The following MLX variants were observed in gnomAD, a reference collection of about 807,000 sequenced individuals.
The protein encoded by MLX is max-like protein X.
A neutral mutation model predicts 33.0 loss-of-function variants in MLX; 15 were observed. The observed-to-expected ratio is 0.45, with a 90% CI of 0.30 to 0.70. MLX has a LOEUF of 0.70. Among genes scored for constraint, MLX ranks in the 30% least tolerant of loss-of-function variants. MLX has a pLI of 0.07. For missense variants in MLX, 285 were observed against 306.3 expected, an observed-to-expected ratio of 0.93 and a Z score of 0.52; for synonymous variants, 115 against 115.6, an observed-to-expected ratio of 0.99 and a Z score of 0.03.
Position 42,571,869 on chromosome 17 carries a change from G to T in MLX, c.*266G>T. 1 of 499,424 alleles carries T rather than the reference G, an allele frequency of 2.0e-6. No individual in the cohort carries two copies. Among genetic ancestry groups the T allele is most frequent in the Non-Finnish European group, 3.6e-6 (1 of 274,886 alleles). The allele number at this position is 499,424 out of a possible 1,614,324, so 30.9% of individuals were successfully genotyped here. A position where few individuals can be genotyped will look rare whatever the true frequency, so the allele number is the denominator to read the frequency against. On this transcript the variant is annotated 3_prime_UTR_variant, in exon 8 of 8. Transcript: ENST00000435881. The stretch of plus-strand genomic sequence containing the variant: ...CCCACTCCATGGAAGTCCTTGGGAT[G>T]GGCGTCTGCTCTGGACACCCCAAAG...
intron 7 of MLX, among the ~76,000 whole-genome samples, chr17:42,570,846 G>A (rs961196002): frequency 2.6e-5 from 4 of 151,900 alleles, no homozygotes; most frequent in Admixed American, 6.6e-5. Flanking sequence ...TTAGTAAGAC[G>A]GGGTTTCACC....
intron 4 of MLX, 72 bp downstream of exon 4, chr17:42,569,015 CCACT>C: frequency 1.3e-6 from 2 of 1,489,890 alleles, no homozygotes; most frequent in Non-Finnish European, 9.2e-7. Context: ...GTGCCCTGAC[CCACT>C]CAGACAGTCC....
rs147548692 is a variant in MLX, at chr17:42,569,495, C to G, written c.377-12C>G. ...TTCTGTACCTGTCCTTTTTTTCTTG[C>G]CCCCACCCTAGCCATTGACTACATT... On this transcript the variant is annotated splice_polypyrimidine_tract_variant and intron_variant, in intron 5 of 7. Coordinates refer to ENST00000435881, the MANE Select transcript of MLX (RefSeq NM_198204.2). 4 of 1,593,202 alleles carry G rather than the reference C, an allele frequency of 2.5e-6. No individual in the cohort carries two copies. Among genetic ancestry groups the G allele is most frequent in the Non-Finnish European group, 3.4e-6 (4 of 1,161,766 alleles).
intron 4 of MLX, 79 bp from the exon 5 acceptor site, chr17:42,569,125 G>T (rs1189587237): frequency 2.8e-6 from 4 of 1,405,180 alleles, no homozygotes; most frequent in Non-Finnish European, 3.0e-6. Flanking sequence ...CATAGAACTT[G>T]GTGTCATGGA....
At chr17:42,569,341 G>A in intron 5 of MLX, 38 bp downstream of exon 5, 1 of 1,600,982 alleles carries the variant, frequency 6.2e-7, no homozygotes, top group Non-Finnish European at 8.6e-7. Flanking sequence ...ATGGAGCCAA[G>A]CGGGGCTGTG....
At position 42,570,086 on chromosome 17, in the gene MLX, C is replaced by A; in HGVS notation, c.581C>A (p.Ser194Tyr). ...KFNVFQGIMD[S>Y]LFQSFNASIS... Reference sequence around the variant, plus strand: ...AACGTGTTTCAAGGCATCATGGATTCCCTGTTCCAGTCCTTCAATGCCTCC... The same window carrying A: ...AACGTGTTTCAAGGCATCATGGATTACCTGTTCCAGTCCTTCAATGCCTCC... The change falls in exon 7 of 8, where the codon TCC (serine) becomes TAC (tyrosine). Residue 194 changes from serine to tyrosine, a missense_variant. Physicochemically the swap from Ser to Tyr is moderately radical, Grantham distance 144. Coordinates refer to ENST00000435881, the MANE Select transcript of MLX (RefSeq NM_198204.2). 1 of 1,614,176 alleles carries A rather than the reference C, an allele frequency of 6.2e-7. No homozygotes were observed. The highest frequency in any genetic ancestry group is 8.5e-7 in the Non-Finnish European group (1 of 1,180,026).
intron 7 of MLX, among the ~76,000 whole-genome samples, 191 bp downstream of exon 7, chr17:42,570,374 C>T (rs972663571): frequency 3.9e-5 from 6 of 152,108 alleles, no homozygotes; most frequent in Non-Finnish European, 7.3e-5. Flanking sequence ...CGGTTTCATT[C>T]GGCAAGTGTG....
Position 42,568,562 on chromosome 17 carries a change from A to G in MLX, c.169+3A>G, listed in dbSNP as rs1222307147. 1.9e-6 allele frequency: 3 copies of G among 1,612,088 alleles called. No homozygotes were observed. In the Admixed American group the frequency reaches 5.0e-5, roughly 27 times the overall value. The stretch of plus-strand genomic sequence containing the variant: ...TGCCTCTTCTGTCCCCAACACAGGT[A>G]GGCAGTAACATCCCCCCCGACCTCG... On this transcript the variant is annotated splice_donor_region_variant and intron_variant, in intron 3 of 7. Transcript: ENST00000435881.
rs1254111230 is a variant in MLX at position 42,570,082 on chromosome 17, G to A, written c.577G>A (p.Asp193Asn). 1 of 1,614,090 alleles carries A rather than the reference G, an allele frequency of 6.2e-7. No individual in the cohort carries two copies. The highest frequency in any genetic ancestry group is 1.7e-5 in the Admixed American group (1 of 60,006). The change falls in exon 7 of 8, where the codon GAT becomes AAT. Residue 193 changes from aspartate to asparagine, a missense_variant. By Grantham distance (23) the Asp-to-Asn change is conservative (BLOSUM62 1). Transcript: ENST00000435881. ...GTTCAACGTGTTTCAAGGCATCATG[G>A]ATTCCCTGTTCCAGTCCTTCAATGC... ...VKFNVFQGIM[D>N]SLFQSFNASI...
In MLX at chr17:42,573,029, G is replaced by GAGAC; in HGVS notation, c.*1429_*1432dup. The GAGAC allele has an allele frequency of 1.2e-6, 2 of 1,614,212 alleles. No individual in the cohort carries two copies. Among genetic ancestry groups the GAGAC allele is most frequent in the Non-Finnish European group, 1.7e-6 (2 of 1,180,024 alleles). ...CGTCTCTATCCCAACTTCCTCCTGT[G>GAGAC]AGACAGGGAGACAAGTGAATGAGAT... is the stretch of plus-strand genomic sequence containing the variant. On this transcript the variant is annotated 3_prime_UTR_variant, in exon 8 of 8. Coordinates refer to ENST00000435881, the MANE Select transcript of MLX (RefSeq NM_198204.2).
Position 42,568,447 on chromosome 17 carries a change from TGATTGGGGCCTCTCTTTTCCAGG to T in MLX, c.80-21_81del. The T allele has an allele frequency of 3.2e-6, 5 of 1,586,390 alleles. No homozygotes were observed. Among genetic ancestry groups the T allele is most frequent in the Non-Finnish European group, 4.3e-6 (5 of 1,155,176 alleles). On this transcript the variant is annotated splice_acceptor_variant and splice_polypyrimidine_tract_variant and coding_sequence_variant and intron_variant, in exon 3 of 8. Coordinates refer to ENST00000435881, the MANE Select transcript of MLX (RefSeq NM_198204.2). LOFTEE classifies it high-confidence loss of function. ...CAATGTTCCCCACCCCACCCCTTAG[TGATTGGGGCCTCTCTTTTCCAGG>T]GCTTTTTGTAGAAAGCACCCGCAAG...
chr17:42,571,228 C>T (rs2093030820), intron 7 of MLX, among the ~76,000 whole-genome samples: 1 of 151,342 alleles, frequency 6.6e-6, no homozygotes, highest in Non-Finnish European at 1.5e-5. Context: ...ACTTCCACCT[C>T]CTGGGTTCAG....
rs774217633 is a variant in MLX at position 42,568,904 on chromosome 17, A to G, written c.237A>G (p.Ala79=). The change falls in exon 4 of 8, where the codon GCA becomes GCG. Residue 79 remains alanine, a synonymous_variant. Transcript: ENST00000435881. The part of the protein sequence containing the change: ...KESYKDRRRR[A]HTQAEQKRRD... ...CCTACAAAGACCGGCGGCGGCGCGC[A>G]CACACTCAGGCTGAGCAGAAGAGGA... The G allele has an allele frequency of 8.7e-6, 14 of 1,611,352 alleles. No homozygotes were observed. The highest frequency in any genetic ancestry group is 1.3e-5 in the African/African-American group (1 of 74,940).
At position 42,571,962 on chromosome 17, in the gene MLX, A is replaced by T. The variant is rs2093035130; in HGVS notation, c.*359A>T. 3.5e-6 allele frequency: 1 copy of T among 284,502 alleles called. No individual in the cohort carries two copies. The highest frequency in any genetic ancestry group is 6.8e-6 in the Non-Finnish European group (1 of 147,524). The allele number at this position is 284,502 out of a possible 1,614,324, so 17.6% of individuals were successfully genotyped here. A position where few individuals can be genotyped will look rare whatever the true frequency, so the allele number is the denominator to read the frequency against. On this transcript the variant is annotated 3_prime_UTR_variant, in exon 8 of 8. Coordinates refer to ENST00000435881, the MANE Select transcript of MLX (RefSeq NM_198204.2). Reference sequence around the variant, plus strand: ...GCTCATGATCTACATAGATTTGGAAACTGTTTTCCTCTGTTTTGGTCTCTT... The same window carrying T: ...GCTCATGATCTACATAGATTTGGAATCTGTTTTCCTCTGTTTTGGTCTCTT...
intron 1 of MLX, 184 bp downstream of exon 1, chr17:42,567,350 G>C: frequency 7.1e-7 from 1 of 1,406,380 alleles, no homozygotes; most frequent in African/African-American, 1.5e-5. Flanking sequence ...AACGAGGCGT[G>C]TGCGCGCGAG....
intron 7 of MLX, 82 bp from the exon 8 acceptor site, chr17:42,571,465 T>C: frequency 1.4e-6 from 2 of 1,452,610 alleles, no homozygotes; most frequent in Admixed American, 3.3e-5. Flanking sequence ...CTAAAGTACA[T>C]GGCTGATCTA....
At chr17:42,571,420 C>A in intron 7 of MLX, 127 bp from the exon 8 acceptor site, 3 of 1,005,096 alleles carry the variant, frequency 3.0e-6, no homozygotes, top group Non-Finnish European at 3.1e-6. Context: ...AGCCACCACA[C>A]CTGGCCCCCG....
chr17:42,570,126 C>G lies in MLX; in HGVS notation c.621C>G (p.Ser207Arg). 1 of 1,614,158 alleles carries G rather than the reference C, an allele frequency of 6.2e-7. No individual in the cohort carries two copies. Among genetic ancestry groups the G allele is most frequent in the Non-Finnish European group, 8.5e-7 (1 of 1,180,040 alleles). Residue 207 changes from serine (S) to arginine (R), a missense_variant, in exon 7 of 8, where the codon AGC becomes AGG. Physicochemically the swap from Ser to Arg is moderately radical, Grantham distance 110. Coordinates refer to ENST00000435881, the MANE Select transcript of MLX (RefSeq NM_198204.2). ...QSFNASISVA[S>R]FQELSACVFS... ...TCAATGCCTCCATCTCAGTGGCCAG[C>G]TTCCAGGAGCTGTCAGCGTGTGTCT...
At chr17:42,569,868 C>T in intron 6 of MLX, 114 bp from the exon 7 acceptor site, 1 of 1,021,036 alleles carries the variant, frequency 9.8e-7, no homozygotes, top group Non-Finnish European at 1.5e-6. Context: ...TACTGAACCC[C>T]ACCCAGAAGC....
Sources: gnomAD v4.1 joint callset for allele counts (sites outside exome capture counted in the v4.1 genomes callset) on GRCh38, gnomAD v4.1.1 for gene constraint, MANE v1.5 for transcripts, NCBI Gene and HGNC (gene_info 2026-07-23, HGNC 2026-07-21) for gene names.